The following PCDHA1 variants were observed in gnomAD, a reference collection of about 807,000 sequenced individuals.
PCDHA1 encodes the protein protocadherin alpha 1.
A neutral mutation model predicts 61.3 loss-of-function variants in PCDHA1; 42 were observed. The ratio of observed to expected loss-of-function variants is 0.69; its 90% CI spans 0.54 to 0.89. PCDHA1 has a LOEUF of 0.89. Ranked by LOEUF, PCDHA1 falls within the 40% of genes least tolerant of loss-of-function variation. PCDHA1 has a pLI of 0.00. For synonymous variants in PCDHA1, 610 were observed against 553.8 expected (o/e 1.10, Z -1.43); for missense variants, 1,256 against 1,235.3 (o/e 1.02, Z -0.25).
intron 1 of PCDHA1, chr5:140,808,488 C>G: frequency 6.2e-7 from 1 of 1,614,170 alleles, no homozygotes. Flanking sequence ...GGCTCGCCTT[C>G]GCTGTGGGCC....
chr5:140,920,703 G>A (rs1435351032), intron 1 of PCDHA1, among the ~76,000 whole-genome samples: 1 of 152,060 alleles, frequency 6.6e-6, no homozygotes, highest in Non-Finnish European at 1.5e-5. Context: ...CATTAGCTTG[G>A]CATGGTGGTG....
At chr5:140,871,682 A>C (rs1207167654) in intron 1 of PCDHA1, 1 of 1,103,566 alleles carries the variant, frequency 9.1e-7, no homozygotes, top group Non-Finnish European at 1.3e-6. Context: ...TCATATGAAT[A>C]ATCTGGCTTC....
rs2150341132 is a variant in PCDHA1, at chr5:140,842,649, T to C, written c.2394+53965T>C. The C allele has an allele frequency of 5.7e-5, 91 of 1,595,206 alleles. 10 individuals are homozygous for C. The Admixed American group carries it at 1.5e-3, about 27-fold the overall frequency. On this transcript the variant is annotated intron_variant, in intron 1 of 3. Transcript: ENST00000504120. ...CTGTGGGCCACCGCCAGCTTGTCTG[T>C]GGAGGTGGCCGACGTGAACGACAAT... is the stretch of plus-strand genomic sequence containing the variant.
chr5:140,926,958 C>G (rs782614627), intron 1 of PCDHA1: 3 of 1,603,116 alleles, frequency 1.9e-6, no homozygotes, highest in Admixed American at 1.7e-5. Context: ...CGGGACAGCT[C>G]GAGTACTCAG....
At chr5:140,809,164 G>GACGGCC (rs782115685) in intron 1 of PCDHA1, 1 of 1,614,000 alleles carries the variant, frequency 6.2e-7, no homozygotes, top group Non-Finnish European at 8.5e-7. Context: ...AGCCCGCGCT[G>GACGGCC]ACGGCCACGG....
At chr5:140,942,754 A>C (rs1157116096) in intron 1 of PCDHA1, among the ~76,000 whole-genome samples, 1 of 152,212 alleles carries the variant, frequency 6.6e-6, no homozygotes, top group African/African-American at 2.4e-5. Context: ...TGTATAAATG[A>C]GATGGCATAA....
chr5:140,861,627 T>C, intron 1 of PCDHA1: 1 of 322,548 alleles, frequency 3.1e-6, no homozygotes, highest in South Asian at 3.1e-5. Flanking sequence ...GCCAGTGTTC[T>C]CAGCAACACA....
intron 1 of PCDHA1, among the ~76,000 whole-genome samples, chr5:140,957,961 G>C (rs1188264296): frequency 6.6e-6 from 1 of 152,048 alleles, no homozygotes; most frequent in Non-Finnish European, 1.5e-5. Flanking sequence ...TATTAATTCA[G>C]AGATGCTGTA....
intron 1 of PCDHA1, chr5:140,871,261 C>T (rs1554165342): frequency 3.1e-6 from 5 of 1,613,864 alleles, no homozygotes; most frequent in Admixed American, 3.3e-5. Context: ...GTATACGGCG[C>T]TGTGGTGGTC....
At chr5:141,006,622 T>C (rs555577523) in intron 3 of PCDHA1, among the ~76,000 whole-genome samples, 21 of 152,132 alleles carry the variant, frequency 1.4e-4, no homozygotes, top group Non-Finnish European at 7.3e-5. Flanking sequence ...AAGGAGACTA[T>C]TGCTGCAATT....
rs1290626143 is a variant in PCDHA1 at position 141,010,228 on chromosome 5, C to G, written c.*291C>G. On this transcript the variant is annotated 3_prime_UTR_variant, in exon 4 of 4. Transcript: ENST00000504120. ...CCGCAAAGGAGAGGCTTCCCAGCCC[C>G]GCCAGTGAGAGGTTGGACTCTCTGC... The G allele has an allele frequency of 1.1e-5, 17 of 1,551,916 alleles. No individual in the cohort carries two copies. Among genetic ancestry groups the G allele is most frequent in the Non-Finnish European group, 1.5e-5 (17 of 1,147,054 alleles).
chr5:140,850,140 G>T lies in PCDHA1; in HGVS notation c.2394+61456G>T, dbSNP rs2150469344. ...GGGCGTGCCGCCTCTGGGCAGCAACGTGACGCTGCAGGTGTTCGTGCTGGA... is the reference window on the plus strand; with the variant it reads ...GGGCGTGCCGCCTCTGGGCAGCAACTTGACGCTGCAGGTGTTCGTGCTGGA... On this transcript the variant is annotated intron_variant, in intron 1 of 3. Transcript: ENST00000504120. 66 of 1,595,706 alleles carry T rather than the reference G, an allele frequency of 4.1e-5. 9 individuals are homozygous for T. Among genetic ancestry groups the T allele is most frequent in the East Asian group, 6.7e-5 (3 of 44,838 alleles).
chr5:140,814,427 C>T (rs1281564166), intron 1 of PCDHA1: 2 of 150,562 alleles, frequency 1.3e-5, no homozygotes, highest in Admixed American at 1.3e-4. Flanking sequence ...TTTCCTGAGG[C>T]TGTTTTGTGG....
chr5:140,984,392 G>C (rs914978799), intron 3 of PCDHA1, among the ~76,000 whole-genome samples: 1 of 152,156 alleles, frequency 6.6e-6, no homozygotes, highest in South Asian at 2.1e-4. Context: ...TTCAAAAAAT[G>C]TTGAGAACCT....
intron 1 of PCDHA1, chr5:140,968,074 C>T (rs781940696): frequency 1.2e-6 from 2 of 1,614,020 alleles, no homozygotes; most frequent in African/African-American, 1.3e-5. Context: ...CTGTCTACAA[C>T]ATCACGGTGA....
intron 1 of PCDHA1, chr5:140,883,326 C>T (rs374138267): frequency 3.1e-6 from 5 of 1,614,044 alleles, no homozygotes; most frequent in Admixed American, 1.7e-5. Flanking sequence ...GTTACCATCA[C>T]TTCTTTGTCA....
Position 140,856,096 on chromosome 5 carries a change from G to C in PCDHA1, c.2394+67412G>C, listed in dbSNP as rs1031755500. The C allele has an allele frequency of 1.1e-5, 17 of 1,597,460 alleles. 1 individual carries two copies. The Admixed American group carries it at 2.5e-4, about 24-fold the overall frequency. On this transcript the variant is annotated intron_variant, in intron 1 of 3. Coordinates refer to ENST00000504120, the MANE Select transcript of PCDHA1 (RefSeq NM_018900.4). Reference sequence around the variant, plus strand: ...TGGGGGTCCAGTGTCTGCTGCTCTCGCTTCTTCTCCTCGCAGCCTGGGAGG... The same window carrying C: ...TGGGGGTCCAGTGTCTGCTGCTCTCCCTTCTTCTCCTCGCAGCCTGGGAGG...
At position 140,867,369 on chromosome 5, in the gene PCDHA1, G is replaced by A. The variant is rs554108396; in HGVS notation, c.2394+78685G>A. On this transcript the variant is annotated intron_variant, in intron 1 of 3. Coordinates refer to ENST00000504120, the MANE Select transcript of PCDHA1 (RefSeq NM_018900.4). ...CTATGATTGATTATTTTACAGATGC[G>A]TAATGGAATTAACGGTTATAAAAGT... is the stretch of plus-strand genomic sequence containing the variant. 21 of 152,194 alleles carry A rather than the reference G, an allele frequency of 1.4e-4. 1 individual carries two copies. Among genetic ancestry groups the A allele is most frequent in the South Asian group, 1.0e-3 (5 of 4,822 alleles). The allele number at this position is 152,194 out of a possible 1,614,324, so 9.4% of individuals were successfully genotyped here.
intron 1 of PCDHA1, chr5:140,857,381 G>A (rs1232678115): frequency 6.3e-7 from 1 of 1,598,364 alleles, no homozygotes; most frequent in Non-Finnish European, 8.6e-7. Flanking sequence ...TGTGGAGGTG[G>A]CCGACGTGAA....
Sources: allele counts gnomAD v4.1 joint callset (sites outside exome capture counted in the v4.1 genomes callset), GRCh38; gene constraint gnomAD v4.1.1; transcripts MANE v1.5; gene names NCBI Gene and HGNC (gene_info 2026-07-23, HGNC 2026-07-21).